Variants in FGD4 observed in about 807,000 individuals in gnomAD.
FGD4 encodes FYVE, RhoGEF and PH domain containing 4.
Under a neutral mutation model 102.0 loss-of-function variants are expected in FGD4, and 42 were observed. The ratio of observed to expected loss-of-function variants is 0.41; its 90% confidence interval spans 0.32 to 0.53. FGD4 has a LOEUF of 0.53. Among genes scored for constraint, FGD4 ranks in the 20% least tolerant of loss-of-function variants. FGD4 has a pLI of 0.21. For synonymous variants in FGD4, 380 were observed against 375.7 expected (o/e 1.01, Z -0.13); for missense variants, 902 against 1,078.2 (o/e 0.84, Z 2.29).
intron 13 of FGD4, 68 bp from the exon 14 acceptor site, chr12:32,625,586 C>A: frequency 1.3e-6 from 2 of 1,545,900 alleles, no homozygotes; most frequent in Non-Finnish European, 1.8e-6. Flanking sequence ...AAAGTTCTTT[C>A]AAAAAATAAT....
chr12:32,477,302 CTT>C (rs1160847358), intron 1 of FGD4: 9 of 151,184 alleles, frequency 6.0e-5, no homozygotes, highest in African/African-American at 2.2e-4. Context: ...AAAAAAAAAC[CTT>C]GAAGATCTGG....
chr12:32,604,991 T>G (rs906633010), intron 7 of FGD4, among the ~76,000 whole-genome samples: 3 of 132,042 alleles, frequency 2.3e-5, no homozygotes. Flanking sequence ...CAGGCTGGAG[T>G]GCAGTGGTAT....
chr12:32,602,979 T>A (rs965104599), intron 7 of FGD4, among the ~76,000 whole-genome samples: 1 of 152,212 alleles, frequency 6.6e-6, no homozygotes. Flanking sequence ...TTTCCAGTGG[T>A]TGCTTTTAGG....
At chr12:32,582,612 A>T (rs370856685) in intron 4 of FGD4, 145 bp downstream of exon 4, 1 of 1,034,956 alleles carries the variant, frequency 9.7e-7, no homozygotes, top group East Asian at 2.6e-5. Flanking sequence ...CTGGCTGCTG[A>T]TTAGCATTTC....
chr12:32,424,247 A>G (rs2651380), intron 1 of FGD4, among the ~76,000 whole-genome samples: 82,031 of 151,052 alleles, frequency 0.54, 23,510 homozygotes, highest in African/African-American at 0.74. Flanking sequence ...AGGCCCCGGT[A>G]TGTGATGTTC....
At chr12:32,483,716 C>T (rs1943821885) in intron 1 of FGD4, among the ~76,000 whole-genome samples, 1 of 152,142 alleles carries the variant, frequency 6.6e-6, no homozygotes, top group Non-Finnish European at 1.5e-5. Flanking sequence ...CCTCATTTGA[C>T]ATCTTCACTC....
intron 1 of FGD4, chr12:32,534,385 A>T (rs1374387186): frequency 7.4e-6 from 11 of 1,487,950 alleles, no homozygotes; most frequent in African/African-American, 1.4e-5. Flanking sequence ...GAAGCTTTAC[A>T]GCCAGGAGTG....
At chr12:32,613,120 G>T (rs1949247115) in intron 10 of FGD4, among the ~76,000 whole-genome samples, 1 of 152,186 alleles carries the variant, frequency 6.6e-6, no homozygotes, top group African/African-American at 2.4e-5. Flanking sequence ...TGGGTGAAAA[G>T]GCTGCCTGGT....
intron 14 of FGD4, among the ~76,000 whole-genome samples, chr12:32,631,918 A>G (rs754479810): frequency 6.6e-6 from 1 of 152,210 alleles, no homozygotes; most frequent in Non-Finnish European, 1.5e-5. Flanking sequence ...ATGTGTTTGC[A>G]TGTGCATTGT....
chr12:32,625,041 G>C lies in FGD4; in HGVS notation c.2019G>C (p.Lys673Asn). Reference sequence around the variant, plus strand: ...AAACCTTCAGAAATGCAATTGCAAAGGATAATGACATTCACTCAGAGGTTT... The same window carrying C: ...AAACCTTCAGAAATGCAATTGCAAACGATAATGACATTCACTCAGAGGTTT... The part of the protein sequence containing the change: ...RHETFRNAIA[K>N]DNDIHSEVST... Residue 673 changes from lysine (K) to asparagine (N), a missense_variant, in exon 13 of 17, where the codon AAG becomes AAC. Lys to Asn is a moderately conservative substitution (Grantham distance 94). Coordinates refer to ENST00000534526, the MANE Select transcript of FGD4 (RefSeq NM_001370298.3). 1 of 1,613,096 alleles carries C rather than the reference G, an allele frequency of 6.2e-7. No homozygotes were observed. The highest frequency in any genetic ancestry group is 8.5e-7 in the Non-Finnish European group (1 of 1,179,412).
intron 1 of FGD4, among the ~76,000 whole-genome samples, chr12:32,408,051 G>A (rs1036432834): frequency 2.6e-5 from 4 of 151,670 alleles, no homozygotes; most frequent in Non-Finnish European, 5.9e-5. Context: ...CCAGGCTGGA[G>A]TGCGATGGTG....
rs1393865126 is a variant in FGD4 at position 32,639,071 on chromosome 12, G to A, written c.2454+276G>A. The A allele has an allele frequency of 5.8e-6, 4 of 689,700 alleles. No individual in the cohort carries two copies. The African/African-American group carries it at 7.3e-5, about 13-fold the overall frequency. 42.7% of individuals were successfully genotyped at this position (689,700 alleles called of 1,614,324 possible). A position where few individuals can be genotyped will look rare whatever the true frequency, so the allele number is the denominator to read the frequency against. On this transcript the variant is annotated intron_variant, in intron 16 of 16. Coordinates refer to ENST00000534526, the MANE Select transcript of FGD4 (RefSeq NM_001370298.3). ...GTTGAATTAGGAATGAGCATGAGGAGAAGGGGAAGCAAACGGGAGAAACAA... is the reference window on the plus strand; with the variant it reads ...GTTGAATTAGGAATGAGCATGAGGAAAAGGGGAAGCAAACGGGAGAAACAA...
At chr12:32,538,792 A>G (rs540793069) in intron 1 of FGD4, among the ~76,000 whole-genome samples, 18 of 152,132 alleles carry the variant, frequency 1.2e-4, no homozygotes, top group Non-Finnish European at 2.1e-4. Context: ...AGTGGCTCAC[A>G]CCTGTAATCC....
rs766994432 is a variant in FGD4 at position 32,638,845 on chromosome 12, G to A, written c.2454+50G>A. The A allele has an allele frequency of 2.5e-5, 41 of 1,612,542 alleles. 1 individual carries two copies. The South Asian group carries it at 4.2e-4, about 16-fold the overall frequency. On this transcript the variant is annotated intron_variant, in intron 16 of 16. Coordinates refer to ENST00000534526, the MANE Select transcript of FGD4 (RefSeq NM_001370298.3). Reference sequence around the variant, plus strand: ...GGGACAGATGCCCTTGGGGGCAAGGGGAAGCGAGTGGACAGCGGACTCAAA... The same window carrying A: ...GGGACAGATGCCCTTGGGGGCAAGGAGAAGCGAGTGGACAGCGGACTCAAA...
At chr12:32,637,179 G>A (rs1450548882) in intron 15 of FGD4, among the ~76,000 whole-genome samples, 2 of 150,094 alleles carry the variant, frequency 1.3e-5, no homozygotes, top group East Asian at 2.0e-4. Flanking sequence ...GTGAGCCACC[G>A]CACCCAGCCT....
intron 4 of FGD4, 151 bp downstream of exon 4, chr12:32,582,618 A>G: frequency 2.1e-6 from 2 of 932,516 alleles, no homozygotes; most frequent in Non-Finnish European, 1.6e-6. Flanking sequence ...GCTGATTAGC[A>G]TTTCCCCTAT....
intron 1 of FGD4, among the ~76,000 whole-genome samples, chr12:32,484,434 A>T (rs1449252895): frequency 6.6e-6 from 1 of 152,224 alleles, no homozygotes; most frequent in Non-Finnish European, 1.5e-5. Flanking sequence ...AGTTGAGCTG[A>T]GTCTAGGTAT....
intron 1 of FGD4, chr12:32,502,140 T>A (rs1938265436): frequency 1.0e-6 from 1 of 985,376 alleles, no homozygotes; most frequent in South Asian, 4.7e-5. Context: ...CACCATCTGT[T>A]CACTCCCCAC....
chr12:32,519,423 T>A (rs1009109557), intron 1 of FGD4, among the ~76,000 whole-genome samples: 5 of 152,200 alleles, frequency 3.3e-5, no homozygotes, highest in Admixed American at 6.5e-5. Flanking sequence ...CTTTTATTTT[T>A]AAAATCTTAT....
Sources: allele counts gnomAD v4.1 joint callset (sites outside exome capture counted in the v4.1 genomes callset), GRCh38; gene constraint gnomAD v4.1.1; transcripts MANE v1.5; gene names NCBI Gene and HGNC (gene_info 2026-07-23, HGNC 2026-07-21).